GAB2: variants seen among roughly 807,000 people sequenced by gnomAD.
GAB2 encodes the protein GRB2-associated-binding protein 2.
Under a neutral mutation model 65.5 loss-of-function variants are expected in GAB2, and 26 were observed. That is an observed-to-expected ratio of 0.40 (90% CI 0.29 to 0.55). The LOEUF (loss-of-function observed/expected upper bound fraction) is 0.55. Ranked by LOEUF, GAB2 falls within the 20% of genes least tolerant of loss-of-function variation. The pLI, the probability that GAB2 is intolerant of heterozygous loss-of-function variation, is 0.53. For synonymous variants in GAB2, 321 were observed against 329.6 expected, an observed-to-expected ratio of 0.97 and a Z score of 0.28; for missense variants, 884 against 875.8, an observed-to-expected ratio of 1.01 and a Z score of -0.12.
At chr11:78,415,501 G>C (rs1857184142) in intron 1 of GAB2, among the ~76,000 whole-genome samples, 1 of 152,204 alleles carries the variant, frequency 6.6e-6, no homozygotes, top group Non-Finnish European at 1.5e-5. Flanking sequence ...CTGTTCCCCA[G>C]AGGCTTAAGG....
chr11:78,410,897 G>T (rs1391047685), intron 1 of GAB2, among the ~76,000 whole-genome samples: 1 of 152,038 alleles, frequency 6.6e-6, no homozygotes, highest in African/African-American at 2.4e-5. Context: ...ACCTATAATC[G>T]CAGCACTCTG....
chr11:78,356,137 C>T (rs1400251550), intron 1 of GAB2, among the ~76,000 whole-genome samples: 1 of 149,632 alleles, frequency 6.7e-6, no homozygotes, highest in Admixed American at 6.7e-5. Context: ...CATGTCACTG[C>T]ACTCTAGCCT....
chr11:78,254,844 G>A lies in GAB2; in HGVS notation c.377-4444C>T, dbSNP rs116774445. Among the ~76,000 whole-genome samples the A allele has an allele frequency of 6.4e-3, 971 of 151,722 alleles. 11 individuals are homozygous for A. Among genetic ancestry groups the A allele is most frequent in the African/African-American group, 0.022 (912 of 41,390 alleles). ...AGAAAAAAAAAAGTATGTAGCTCCA[G>A]AAAAATTCTTTCAAAGCTGTTTTGG... On this transcript the variant is annotated intron_variant, in intron 2 of 9. Coordinates refer to ENST00000361507, the MANE Select transcript of GAB2 (RefSeq NM_080491.3).
intron 1 of GAB2, among the ~76,000 whole-genome samples, chr11:78,394,926 A>G (rs1355983259): frequency 6.6e-6 from 1 of 152,184 alleles, no homozygotes; most frequent in Non-Finnish European, 1.5e-5. Context: ...TGGGGAGTGG[A>G]CCCACAGACA....
At chr11:78,300,685 G>GTTTTTTTTTTTTTTT (rs763136988) in intron 1 of GAB2, among the ~76,000 whole-genome samples, 2 of 120,686 alleles carry the variant, frequency 1.7e-5, no homozygotes, top group African/African-American at 7.0e-5. Context: ...TTTTTTTTTG[G>GTTTTTTTTTTTTTTT]TTTTTTTTTG....
At chr11:78,316,862 A>C (rs1053036707) in intron 1 of GAB2, among the ~76,000 whole-genome samples, 2 of 152,240 alleles carry the variant, frequency 1.3e-5, no homozygotes, top group African/African-American at 2.4e-5. Context: ...ATTAGTCAGA[A>C]GAGCCAAAAG....
At chr11:78,231,314 T>C (rs1465408027) in intron 3 of GAB2, among the ~76,000 whole-genome samples, 1 of 145,968 alleles carries the variant, frequency 6.9e-6, no homozygotes, top group Admixed American at 6.7e-5. Context: ...GTCTCTCCCT[T>C]GGTGCGCGCG....
At chr11:78,406,604 C>G (rs1018588109) in intron 1 of GAB2, among the ~76,000 whole-genome samples, 2 of 152,120 alleles carry the variant, frequency 1.3e-5, no homozygotes, top group Non-Finnish European at 2.9e-5. Context: ...TCTTGAGCTC[C>G]TGACCTCAGG....
At chr11:78,331,068 G>A (rs534879689) in intron 1 of GAB2, among the ~76,000 whole-genome samples, 1 of 151,964 alleles carries the variant, frequency 6.6e-6, no homozygotes, top group South Asian at 2.1e-4. Context: ...CCAGCTACTC[G>A]GGAGGCTGAG....
chr11:78,356,034 G>A (rs752329680), intron 1 of GAB2, among the ~76,000 whole-genome samples: 4 of 151,960 alleles, frequency 2.6e-5, no homozygotes, highest in Non-Finnish European at 5.9e-5. Flanking sequence ...TTAGCTGGGT[G>A]TGGTGGTGTG....
At chr11:78,395,552 C>A (rs1856885940) in intron 1 of GAB2, among the ~76,000 whole-genome samples, 2 of 152,234 alleles carry the variant, frequency 1.3e-5, no homozygotes, top group African/African-American at 4.8e-5. Flanking sequence ...ATTAGATATA[C>A]TGAACTTTTC....
intron 1 of GAB2, among the ~76,000 whole-genome samples, chr11:78,378,128 T>G (rs528012406): frequency 6.6e-6 from 1 of 152,258 alleles, no homozygotes; most frequent in Non-Finnish European, 1.5e-5. Flanking sequence ...TATCCTTCCC[T>G]AGGATTTTAA....
chr11:78,382,425 C>G (rs897528683), intron 1 of GAB2, among the ~76,000 whole-genome samples: 4 of 151,202 alleles, frequency 2.6e-5, no homozygotes, highest in African/African-American at 9.8e-5. Context: ...GTCGCCCAGG[C>G]TGGAGTGCAG....
intron 1 of GAB2, among the ~76,000 whole-genome samples, chr11:78,293,842 C>T (rs772653583): frequency 2.0e-5 from 3 of 152,046 alleles, no homozygotes; most frequent in South Asian, 2.1e-4. Context: ...AAAAAGAGTA[C>T]GTGTGAGAGT....
intron 1 of GAB2, among the ~76,000 whole-genome samples, chr11:78,322,672 G>C (rs917248339): frequency 6.6e-6 from 1 of 151,844 alleles, no homozygotes; most frequent in Admixed American, 6.6e-5. Context: ...CTTCTCAAAA[G>C]ATGACACACA....
At chr11:78,319,851 CAG>C (rs1855687827) in intron 1 of GAB2, among the ~76,000 whole-genome samples, 1 of 151,118 alleles carries the variant, frequency 6.6e-6, no homozygotes, top group Non-Finnish European at 1.5e-5. Context: ...GAGTATCTGG[CAG>C]AGATATAAAG....
chr11:78,242,346 CA>C (rs1298025590), intron 3 of GAB2, among the ~76,000 whole-genome samples: 1 of 151,804 alleles, frequency 6.6e-6, no homozygotes, highest in Non-Finnish European at 1.5e-5. Flanking sequence ...ACTAAAAATA[CA>C]AAAAATTAGC....
intron 1 of GAB2, among the ~76,000 whole-genome samples, chr11:78,319,384 T>G (rs1469345494): frequency 2.0e-5 from 3 of 152,228 alleles, no homozygotes; most frequent in African/African-American, 7.2e-5. Flanking sequence ...TAATTCTCAT[T>G]TCTGGCATCT....
At chr11:78,289,814 CTTTTTTTTTTTTTTTT>C (rs56926225) in intron 1 of GAB2, among the ~76,000 whole-genome samples, 2 of 83,622 alleles carry the variant, frequency 2.4e-5, no homozygotes, top group Admixed American at 3.4e-4. Flanking sequence ...AGAACAGGAC[CTTTTTTTTTTTTTTTT>C]TTTTTTTTTT....
Sources: gnomAD v4.1 joint callset for allele counts (sites outside exome capture counted in the v4.1 genomes callset) on GRCh38, gnomAD v4.1.1 for gene constraint, MANE v1.5 for transcripts, NCBI Gene and HGNC (gene_info 2026-07-23, HGNC 2026-07-21) for gene names.